COL27A1: variants seen among roughly 807,000 people sequenced by gnomAD.
COL27A1 encodes the protein collagen type XXVII alpha 1 chain, also known as collagen alpha-1(XXVII) chain.
In COL27A1, 106 loss-of-function variants were observed where a neutral mutation model predicts 251.3. The ratio of observed to expected loss-of-function variants is 0.42; its 90% CI spans 0.36 to 0.50. The LOEUF (loss-of-function observed/expected upper bound fraction) is 0.50, where lower values mean the gene tolerates loss of function less well. Among genes scored for constraint, COL27A1 ranks in the 20% least tolerant of loss-of-function variants. COL27A1 has a pLI of 0.00. For missense variants in COL27A1, 2,325 were observed against 2,522.8 expected, an observed-to-expected ratio of 0.92 and a Z score of 1.68; for synonymous variants, 1,000 against 986.3, an observed-to-expected ratio of 1.01 and a Z score of -0.26.
At chr9:114,228,062 G>A (rs58635948) in intron 14 of COL27A1, among the ~76,000 whole-genome samples, 3,300 of 152,230 alleles carry the variant, frequency 0.022, 82 homozygotes, top group African/African-American at 0.058. Flanking sequence ...TCTCCCCTGG[G>A]GTTGCCCATG....
intron 41 of COL27A1, among the ~76,000 whole-genome samples, chr9:114,286,807 G>A (rs1827528196): frequency 6.6e-6 from 1 of 152,124 alleles, no homozygotes; most frequent in Non-Finnish European, 1.5e-5. Context: ...CAGTATAGCT[G>A]GCTTTGGGCC....
intron 3 of COL27A1, among the ~76,000 whole-genome samples, chr9:114,176,737 G>A (rs1827485109): frequency 6.6e-6 from 1 of 152,138 alleles, no homozygotes; most frequent in Admixed American, 6.5e-5. Context: ...AGGTAGCTGG[G>A]ACTTGCCCGA....
In COL27A1 at chr9:114,290,764, G is replaced by A; in HGVS notation, c.4369-46G>A. 1 of 1,420,128 alleles carries A rather than the reference G, an allele frequency of 7.0e-7. No individual in the cohort carries two copies. The highest frequency in any genetic ancestry group is 9.6e-7 in the Non-Finnish European group (1 of 1,045,326). 88.0% of individuals were successfully genotyped at this position (1,420,128 alleles called of 1,614,324 possible). A position where few individuals can be genotyped will look rare whatever the true frequency, so the allele number is the denominator to read the frequency against. On this transcript the variant is annotated intron_variant, in intron 47 of 60. Coordinates refer to ENST00000356083, the MANE Select transcript of COL27A1 (RefSeq NM_032888.4). The surrounding 1 kb of genome is among the most constrained non-coding windows in gnomAD (Gnocchi z 4.6). The stretch of plus-strand genomic sequence containing the variant: ...CGTTGAGCCATCTGCTTCCTTGGCT[G>A]TATCGTGAAACACAAGAGACCCTCC...
At chr9:114,191,265 AT>A (rs1828729050) in intron 5 of COL27A1, among the ~76,000 whole-genome samples, 1 of 151,848 alleles carries the variant, frequency 6.6e-6, no homozygotes, top group South Asian at 2.1e-4. Flanking sequence ...TTAATTTTTA[AT>A]TTTTATTTTA....
chr9:114,167,996 C>T lies in COL27A1; in HGVS notation c.441C>T (p.Phe147=), dbSNP rs575113764. Residue 147 remains phenylalanine, a synonymous_variant, in exon 3 of 61, where the codon TTC becomes TTT. Transcript: ENST00000356083. ...TCGGGTCCCGGCGCTCAGTGGCCTT[C>T]GACCTCGACATGCACGACGGGCGCT... is the stretch of plus-strand genomic sequence containing the variant. ...VHLGSRRSVA[F]DLDMHDGRWH... 5.7e-5 allele frequency: 92 copies of T among 1,604,792 alleles called. No individual in the cohort carries two copies. Among genetic ancestry groups the T allele is most frequent in the Non-Finnish European group, 7.1e-5 (84 of 1,179,778 alleles).
intron 25 of COL27A1, among the ~76,000 whole-genome samples, chr9:114,251,982 G>A (rs762301664): frequency 6.6e-6 from 1 of 152,206 alleles, no homozygotes; most frequent in Non-Finnish European, 1.5e-5. Context: ...CACATAGTAG[G>A]TGCTCAATAG....
chr9:114,178,416 T>A (rs1827637985), intron 4 of COL27A1, 72 bp downstream of exon 4: 17 of 1,398,238 alleles, frequency 1.2e-5, no homozygotes, highest in Non-Finnish European at 1.4e-5. Flanking sequence ...CCCTGAGGTC[T>A]CGGGTTTGCT....
chr9:114,252,994 G>A (rs1316700694), intron 27 of COL27A1, 62 bp downstream of exon 27: 2 of 1,390,074 alleles, frequency 1.4e-6, no homozygotes, highest in African/African-American at 1.4e-5. Flanking sequence ...TAGGTGGCTG[G>A]GTGTGGTGGC....
rs779405191 is a variant in COL27A1 at position 114,169,254 on chromosome 9, C to G, written c.1699C>G (p.Pro567Ala). The change falls in exon 3 of 61, where the codon CCC (proline) becomes GCC (alanine). Residue 567 changes from proline (P) to alanine (A), a missense_variant. By Grantham distance (27) the Pro-to-Ala change is conservative (BLOSUM62 -1). Coordinates refer to ENST00000356083, the MANE Select transcript of COL27A1 (RefSeq NM_032888.4). ...LRPGKAARDV[P>A]LSDLTTRPSP... Reference sequence around the variant, plus strand: ...ACCTGGGAAGGCAGCCAGGGATGTCCCCTTGAGCGATCTGACAACCAGGCC... The same window carrying G: ...ACCTGGGAAGGCAGCCAGGGATGTCGCCTTGAGCGATCTGACAACCAGGCC... 1.9e-6 allele frequency: 3 copies of G among 1,613,074 alleles called. No homozygotes were observed. Among genetic ancestry groups the G allele is most frequent in the Admixed American group, 3.3e-5 (2 of 59,940 alleles).
intron 52 of COL27A1, 73 bp downstream of exon 52, chr9:114,301,198 C>G: frequency 6.2e-7 from 1 of 1,609,848 alleles, no homozygotes; most frequent in East Asian, 2.2e-5. Context: ...CTCTGTGACT[C>G]AGTGCCAGTC....
At chr9:114,250,038 G>A (rs1015676510) in intron 24 of COL27A1, among the ~76,000 whole-genome samples, 1 of 152,226 alleles carries the variant, frequency 6.6e-6, no homozygotes, top group Non-Finnish European at 1.5e-5. Flanking sequence ...GGAACCCAGA[G>A]GCAAGTTGTC....
At chr9:114,200,946 T>A (rs1405659053) in intron 7 of COL27A1, among the ~76,000 whole-genome samples, 1 of 151,534 alleles carries the variant, frequency 6.6e-6, no homozygotes, top group Non-Finnish European at 1.5e-5. Flanking sequence ...ACAGCCGATG[T>A]CTGAGTACAT....
rs1849097172 is a variant in COL27A1 at position 114,168,879 on chromosome 9, C to T, written c.1324C>T (p.Pro442Ser). ...CAGGCCCCCACCGCCCAGCACCCGG[C>T]CCCTACCTCCTACCACCAGCTCCTC... ...MPRPPPPSTR[P>S]LPPTTSSSKK... Residue 442 changes from proline (P) to serine (S), a missense_variant, in exon 3 of 61, where the codon CCC becomes TCC. Coordinates refer to ENST00000356083, the MANE Select transcript of COL27A1 (RefSeq NM_032888.4). 5 of 1,614,134 alleles carry T rather than the reference C, an allele frequency of 3.1e-6. No individual in the cohort carries two copies. Among genetic ancestry groups the T allele is most frequent in the Non-Finnish European group, 4.2e-6 (5 of 1,180,030 alleles).
chr9:114,245,149 T>TCTTG (rs1564517126), intron 23 of COL27A1, among the ~76,000 whole-genome samples: 1 of 24,792 alleles, frequency 4.0e-5, no homozygotes, highest in African/African-American at 1.7e-4. Flanking sequence ...TGCATTCTTG[T>TCTTG]TTTTTTTTTT....
At chr9:114,209,940 G>A (rs1830232429) in intron 11 of COL27A1, among the ~76,000 whole-genome samples, 1 of 152,230 alleles carries the variant, frequency 6.6e-6, no homozygotes, top group Non-Finnish European at 1.5e-5. Context: ...ACGGTAACTT[G>A]GCGAGTTTAA....
intron 49 of COL27A1, among the ~76,000 whole-genome samples, chr9:114,296,151 A>G (rs1436817747): frequency 6.6e-6 from 1 of 152,238 alleles, no homozygotes; most frequent in African/African-American, 2.4e-5. Flanking sequence ...TAAGACAAAG[A>G]TTTCTTAGAT....
Position 114,307,749 on chromosome 9 carries a change from A to C in COL27A1, c.5188A>C (p.Thr1730Pro). ...VSCNFTHGGQ[T>P]CLKPITASKV... Reference sequence around the variant, plus strand: ...CTGCAACTTCACTCATGGTGGACAGACGTGTCTCAAGCCCATCACGGCCTC... The same window carrying C: ...CTGCAACTTCACTCATGGTGGACAGCCGTGTCTCAAGCCCATCACGGCCTC... The change falls in exon 59 of 61, where the codon ACG becomes CCG. Residue 1730 changes from threonine (T) to proline (P), a missense_variant. Coordinates refer to ENST00000356083, the MANE Select transcript of COL27A1 (RefSeq NM_032888.4). 6.2e-7 allele frequency: 1 copy of C among 1,613,998 alleles called. No homozygotes were observed. The highest frequency in any genetic ancestry group is 8.5e-7 in the Non-Finnish European group (1 of 1,179,952).
chr9:114,306,969 G>C, intron 58 of COL27A1: 1 of 379,924 alleles, frequency 2.6e-6, no homozygotes, highest in South Asian at 3.1e-5. Flanking sequence ...ACAGGCTCCC[G>C]GGTGAGCCAG....
At chr9:114,185,585 G>A (rs564937858) in intron 5 of COL27A1, among the ~76,000 whole-genome samples, 17 of 152,366 alleles carry the variant, frequency 1.1e-4, no homozygotes, top group Admixed American at 6.5e-4. Context: ...CCTGGGAAGA[G>A]GGTCCTAGAG....
Sources: gnomAD v4.1 joint callset for allele counts (sites outside exome capture counted in the v4.1 genomes callset) on GRCh38, gnomAD v4.1.1 for gene constraint, Gnocchi (gnomAD v3.1) non-coding constraint, MANE v1.5 for transcripts, NCBI Gene and HGNC (gene_info 2026-07-23, HGNC 2026-07-21) for gene names.